The following EYS variants were observed in gnomAD, a reference collection of about 807,000 sequenced individuals.
EYS encodes EGF-like photoreceptor maintenance factor, also known as protein eyes shut homolog.
In EYS, 250 loss-of-function variants were observed where a neutral mutation model predicts 282.1. The ratio of observed to expected loss-of-function variants is 0.89; its 90% confidence interval spans 0.80 to 0.98. The LOEUF (loss-of-function observed/expected upper bound fraction) is 0.98, where lower values mean the gene tolerates loss of function less well. Among genes scored for constraint, EYS ranks in the 50% least tolerant of loss-of-function variants. The probability of loss-of-function intolerance (pLI) is 0.00; values close to 1 mark genes in which losing one functional copy is unlikely to be tolerated. For missense variants in EYS, 4,016 were observed against 3,709.0 expected (o/e 1.08, Z -2.15); for synonymous variants, 1,355 against 1,282.9 (o/e 1.06, Z -1.20).
At chr6:65,603,192 C>T (rs922282160) in intron 2 of EYS, among the ~76,000 whole-genome samples, 3 of 151,874 alleles carry the variant, frequency 2.0e-5, no homozygotes, top group African/African-American at 7.2e-5. Flanking sequence ...GCTCACAGCC[C>T]ATCTGAAAGA....
intron 5 of EYS, among the ~76,000 whole-genome samples, chr6:65,464,588 C>T (rs775231087): frequency 3.3e-5 from 5 of 152,156 alleles, no homozygotes; most frequent in South Asian, 2.1e-4. Context: ...TTTCATCATC[C>T]GTCTACATGC....
chr6:64,869,090 A>T (rs1211530561), intron 19 of EYS, among the ~76,000 whole-genome samples: 1 of 151,492 alleles, frequency 6.6e-6, no homozygotes, highest in Non-Finnish European at 1.5e-5. Flanking sequence ...TCATTTTATC[A>T]TACCTTACAC....
intron 35 of EYS, among the ~76,000 whole-genome samples, chr6:63,882,725 G>T (rs1773165267): frequency 1.3e-5 from 2 of 152,164 alleles, no homozygotes; most frequent in South Asian, 4.1e-4. Context: ...TTAGATAAAT[G>T]GTTGGGGGAG....
intron 15 of EYS, among the ~76,000 whole-genome samples, chr6:64,931,681 T>C (rs1302756697): frequency 1.3e-5 from 2 of 152,106 alleles, no homozygotes; most frequent in African/African-American, 4.8e-5. Context: ...TACAGTGAAC[T>C]ATATATAAAA....
intron 12 of EYS, among the ~76,000 whole-genome samples, chr6:65,249,468 T>G (rs1219259659): frequency 6.6e-6 from 1 of 151,626 alleles, no homozygotes; most frequent in East Asian, 1.9e-4. Context: ...CAAACAACCC[T>G]AAAGAGTTAG....
chr6:64,922,180 A>G (rs1259733747), intron 15 of EYS, among the ~76,000 whole-genome samples: 1 of 152,206 alleles, frequency 6.6e-6, no homozygotes, highest in East Asian at 1.9e-4. Context: ...CACCTCTGTC[A>G]CACACATACA....
At chr6:65,134,574 C>T (rs947980827) in intron 12 of EYS, among the ~76,000 whole-genome samples, 11 of 151,862 alleles carry the variant, frequency 7.2e-5, no homozygotes, top group Non-Finnish European at 1.5e-4. Flanking sequence ...AAGAGGAAGA[C>T]GGAAACAACA....
intron 22 of EYS, among the ~76,000 whole-genome samples, chr6:64,739,032 G>A (rs530222045): frequency 1.3e-5 from 2 of 152,316 alleles, no homozygotes; most frequent in African/African-American, 4.8e-5. Flanking sequence ...ACAGGCGTGA[G>A]CCACCATGCC....
At chr6:64,451,834 A>C (rs1403500895) in intron 26 of EYS, among the ~76,000 whole-genome samples, 1 of 152,324 alleles carries the variant, frequency 6.6e-6, no homozygotes, top group East Asian at 1.9e-4. Flanking sequence ...ACTCTCAATA[A>C]ATTAGGTATT....
chr6:64,888,130 A>C (rs923863406), intron 18 of EYS, among the ~76,000 whole-genome samples: 2 of 152,000 alleles, frequency 1.3e-5, no homozygotes, highest in African/African-American at 4.8e-5. Context: ...TAAGCCAGAC[A>C]GTAGGGGAGA....
At chr6:65,127,112 A>C (rs1235916922) in intron 12 of EYS, among the ~76,000 whole-genome samples, 1 of 152,156 alleles carries the variant, frequency 6.6e-6, no homozygotes, top group African/African-American at 2.4e-5. Context: ...CTCTAGAATC[A>C]TCAAAATATA....
intron 2 of EYS, among the ~76,000 whole-genome samples, chr6:65,528,299 A>G (rs1767643149): frequency 6.6e-6 from 1 of 152,202 alleles, no homozygotes; most frequent in Non-Finnish European, 1.5e-5. Context: ...ATTGATAACT[A>G]CAATCTACCA....
chr6:65,347,714 C>G (rs1336905650), intron 9 of EYS, among the ~76,000 whole-genome samples: 1 of 151,594 alleles, frequency 6.6e-6, no homozygotes, highest in Non-Finnish European at 1.5e-5. Flanking sequence ...TTTATCCTTT[C>G]TTGGTGTTAC....
intron 26 of EYS, among the ~76,000 whole-genome samples, chr6:64,546,805 A>T (rs1764888690): frequency 6.6e-6 from 1 of 152,310 alleles, no homozygotes; most frequent in African/African-American, 2.4e-5. Context: ...GAGAAATGCA[A>T]ATCAAAACCA....
chr6:65,337,048 T>C (rs1009849788), intron 10 of EYS, among the ~76,000 whole-genome samples: 13 of 151,522 alleles, frequency 8.6e-5, no homozygotes, highest in African/African-American at 2.9e-4. Context: ...TTTCCATCTG[T>C]AGCAACAAAG....
At chr6:65,454,878 G>T (rs950988508) in intron 5 of EYS, among the ~76,000 whole-genome samples, 1 of 151,930 alleles carries the variant, frequency 6.6e-6, no homozygotes, top group African/African-American at 2.4e-5. Flanking sequence ...CTGTTTTTAT[G>T]CCAGTACCAT....
At chr6:65,370,377 T>A (rs751529084) in intron 8 of EYS, among the ~76,000 whole-genome samples, 1 of 150,268 alleles carries the variant, frequency 6.7e-6, no homozygotes, top group Non-Finnish European at 1.5e-5. Flanking sequence ...TACTCCAGCT[T>A]CCCAAGTAGC....
chr6:64,392,401 A>G (rs916848679), intron 28 of EYS, among the ~76,000 whole-genome samples: 13 of 150,420 alleles, frequency 8.6e-5, no homozygotes, highest in Admixed American at 1.3e-4. Flanking sequence ...AGCAAATGTA[A>G]AAGAACAGAA....
At chr6:64,795,360 G>A in intron 22 of EYS, among the ~76,000 whole-genome samples, 1 of 143,250 alleles carries the variant, frequency 7.0e-6, no homozygotes, top group Non-Finnish European at 1.6e-5. Context: ...TGGGTGGTTG[G>A]TTGAAAATAG....
Sources: gnomAD v4.1 joint callset for allele counts (sites outside exome capture counted in the v4.1 genomes callset) on GRCh38, gnomAD v4.1.1 for gene constraint, MANE v1.5 for transcripts, NCBI Gene and HGNC (gene_info 2026-07-23, HGNC 2026-07-21) for gene names.